The following AGBL4 variants were observed in gnomAD, a reference collection of about 807,000 sequenced individuals.
The protein encoded by AGBL4 is AGBL carboxypeptidase 4, also known as cytosolic carboxypeptidase 6.
In AGBL4, 58 loss-of-function variants were observed where a neutral mutation model predicts 66.4. That is an observed-to-expected ratio of 0.87 (90% CI 0.71 to 1.09). The LOEUF (loss-of-function observed/expected upper bound fraction) is 1.09. Ranked by LOEUF, AGBL4 falls within the 50% of genes least tolerant of loss-of-function variation. The probability of loss-of-function intolerance (pLI) is 0.00; values close to 1 mark genes in which losing one functional copy is unlikely to be tolerated. For missense variants in AGBL4, 579 were observed against 631.0 expected (o/e 0.92, Z 0.88); for synonymous variants, 234 against 222.9 (o/e 1.05, Z -0.44).
At chr1:50,005,337 G>A (rs965907487) in intron 1 of AGBL4, among the ~76,000 whole-genome samples, 1 of 152,154 alleles carries the variant, frequency 6.6e-6, no homozygotes, top group Admixed American at 6.5e-5. Context: ...GAGAGTAAGA[G>A]TTCTGCCTGG....
At chr1:49,908,758 T>C (rs1650528359) in intron 1 of AGBL4, among the ~76,000 whole-genome samples, 1 of 152,068 alleles carries the variant, frequency 6.6e-6, no homozygotes, top group African/African-American at 2.4e-5. Flanking sequence ...TGAGACCCTG[T>C]ATCAAATAAA....
intron 4 of AGBL4, among the ~76,000 whole-genome samples, chr1:49,141,682 G>A (rs1646120545): frequency 6.6e-6 from 1 of 152,144 alleles, no homozygotes; most frequent in Non-Finnish European, 1.5e-5. Flanking sequence ...TGGAGAGACA[G>A]GCAGAGATCA....
chr1:48,850,559 CT>C (rs563092148), intron 6 of AGBL4, among the ~76,000 whole-genome samples: 4 of 152,190 alleles, frequency 2.6e-5, no homozygotes, highest in Non-Finnish European at 4.4e-5. Context: ...AGGTCTCACT[CT>C]GTCACCCAGG....
At chr1:49,254,626 A>G (rs749415334) in intron 3 of AGBL4, among the ~76,000 whole-genome samples, 1 of 152,120 alleles carries the variant, frequency 6.6e-6, no homozygotes, top group Non-Finnish European at 1.5e-5. Context: ...TTCCTATTAA[A>G]CTACCATTGA....
intron 1 of AGBL4, among the ~76,000 whole-genome samples, chr1:49,916,776 T>C (rs1297748105): frequency 1.3e-5 from 2 of 151,972 alleles, no homozygotes; most frequent in East Asian, 3.9e-4. Flanking sequence ...CCAGGACACA[T>C]AATTATCAGA....
At chr1:49,072,279 T>C (rs556020664) in intron 4 of AGBL4, among the ~76,000 whole-genome samples, 3 of 152,350 alleles carry the variant, frequency 2.0e-5, no homozygotes, top group African/African-American at 7.2e-5. Context: ...AATTTGATCC[T>C]GTCATTATGA....
intron 1 of AGBL4, among the ~76,000 whole-genome samples, chr1:49,931,433 T>C (rs763523456): frequency 6.6e-6 from 1 of 152,096 alleles, no homozygotes; most frequent in African/African-American, 2.4e-5. Flanking sequence ...CTTACAATCA[T>C]GATGGAAGGT....
chr1:48,947,795 C>G (rs1656639251), intron 5 of AGBL4, among the ~76,000 whole-genome samples: 1 of 152,024 alleles, frequency 6.6e-6, no homozygotes, highest in South Asian at 2.1e-4. Flanking sequence ...ATTGAGTCAT[C>G]TCACACTAAA....
intron 12 of AGBL4, 88 bp downstream of exon 12, chr1:48,539,554 A>C: frequency 1.9e-6 from 2 of 1,028,936 alleles, no homozygotes; most frequent in Non-Finnish European, 1.3e-6. Context: ...TGGGATGCTG[A>C]GTGTCAGCAA....
At chr1:49,255,883 C>T (rs968631232) in intron 3 of AGBL4, among the ~76,000 whole-genome samples, 1 of 152,106 alleles carries the variant, frequency 6.6e-6, no homozygotes, top group African/African-American at 2.4e-5. Flanking sequence ...AGCTGGAGAC[C>T]ATTTTCCTTA....
chr1:49,399,457 G>A (rs551469816), intron 3 of AGBL4, among the ~76,000 whole-genome samples: 3 of 151,882 alleles, frequency 2.0e-5, no homozygotes, highest in Non-Finnish European at 2.9e-5. Flanking sequence ...TTACATTCTC[G>A]CCAAAAGTGT....
At chr1:49,147,715 G>A (rs1171469719) in intron 4 of AGBL4, among the ~76,000 whole-genome samples, 4 of 152,056 alleles carry the variant, frequency 2.6e-5, no homozygotes, top group African/African-American at 9.7e-5. Context: ...CCTAATTATA[G>A]CCCACTGAGA....
intron 10 of AGBL4, among the ~76,000 whole-genome samples, chr1:48,588,311 G>A (rs1644856510): frequency 6.6e-6 from 1 of 152,204 alleles, no homozygotes; most frequent in Admixed American, 6.5e-5. Context: ...AGTGGATAGA[G>A]AAATGAACAA....
chr1:49,619,896 T>G (rs6698970), intron 3 of AGBL4, among the ~76,000 whole-genome samples: 104,326 of 152,004 alleles, frequency 0.69, 36,570 homozygotes, highest in African/African-American at 0.79. Context: ...AATAAATGGT[T>G]TTGGGAAAAC....
At chr1:49,794,666 G>A (rs1557453503) in intron 2 of AGBL4, among the ~76,000 whole-genome samples, 2 of 151,728 alleles carry the variant, frequency 1.3e-5, no homozygotes, top group African/African-American at 2.4e-5. Flanking sequence ...TCTCCCCAAC[G>A]CCAGTAAAAG....
chr1:49,248,736 T>C (rs115362593), intron 3 of AGBL4, among the ~76,000 whole-genome samples: 53 of 152,344 alleles, frequency 3.5e-4, no homozygotes, highest in African/African-American at 1.2e-3. Flanking sequence ...TCACCTGGCA[T>C]ATTGTATCTA....
intron 1 of AGBL4, among the ~76,000 whole-genome samples, chr1:50,011,297 T>C (rs1242240117): frequency 3.3e-5 from 5 of 152,282 alleles, no homozygotes; most frequent in East Asian, 1.9e-4. Context: ...TTTGACATCA[T>C]TGATCATCAG....
intron 5 of AGBL4, among the ~76,000 whole-genome samples, chr1:48,964,749 A>C (rs571424872): frequency 6.6e-6 from 1 of 152,308 alleles, no homozygotes; most frequent in South Asian, 2.1e-4. Flanking sequence ...ACATACATAC[A>C]TACATACATA....
rs561223884 is a variant in AGBL4 at position 49,587,745 on chromosome 1, C to T, written c.282+109568G>A. ...AACATTACATTTTAAAATATTACTC[C>T]CCACAACAGCAACTTGTTGTTTGCA... On this transcript the variant is annotated intron_variant, in intron 3 of 13. Transcript: ENST00000371839. 6.9e-4 allele frequency among the ~76,000 whole-genome samples: 105 copies of T among 152,170 alleles called. 2 individuals are homozygous for T. Among genetic ancestry groups the T allele is most frequent in the Admixed American group, 2.3e-3 (35 of 15,274 alleles).
Sources: allele counts gnomAD v4.1 joint callset (sites outside exome capture counted in the v4.1 genomes callset), GRCh38; gene constraint gnomAD v4.1.1; transcripts MANE v1.5; gene names NCBI Gene and HGNC (gene_info 2026-07-23, HGNC 2026-07-21).